COBLL1: variants seen among roughly 807,000 people sequenced by gnomAD.
The protein encoded by COBLL1 is cordon-bleu protein-like 1.
COBLL1 carries 50 observed loss-of-function variants against 94.8 expected under a neutral mutation model. That is an observed-to-expected ratio of 0.53 (90% CI 0.42 to 0.67). The LOEUF (loss-of-function observed/expected upper bound fraction) is 0.67. Among genes scored for constraint, COBLL1 ranks in the 30% least tolerant of loss-of-function variants. COBLL1 has a pLI of 0.00. For missense variants in COBLL1, 1,362 were observed against 1,348.7 expected (o/e 1.01, Z -0.15); for synonymous variants, 448 against 473.8 (o/e 0.95, Z 0.71).
At chr2:164,803,274 A>C (rs927843695) in intron 2 of COBLL1, among the ~76,000 whole-genome samples, 5 of 152,346 alleles carry the variant, frequency 3.3e-5, no homozygotes, top group African/African-American at 1.2e-4. Context: ...AGATTTAAAA[A>C]GCAAAGTTTG....
intron 2 of COBLL1, among the ~76,000 whole-genome samples, chr2:164,791,343 T>C (rs1683179822): frequency 1.4e-5 from 2 of 143,990 alleles, no homozygotes; most frequent in Non-Finnish European, 1.5e-5. Flanking sequence ...TTTAATGACA[T>C]GGTTAAACAA....
chr2:164,803,578 T>TA (rs1683932408), intron 2 of COBLL1, among the ~76,000 whole-genome samples: 23 of 110,268 alleles, frequency 2.1e-4, no homozygotes, highest in South Asian at 1.6e-3. Flanking sequence ...AATAAATAAA[T>TA]AAATAAATAA....
intron 10 of COBLL1, among the ~76,000 whole-genome samples, chr2:164,700,200 A>G (rs1279351778): frequency 6.6e-6 from 1 of 152,130 alleles, no homozygotes; most frequent in Non-Finnish European, 1.5e-5. Flanking sequence ...AAAAATTGAA[A>G]ATTAAATATT....
chr2:164,742,640 T>G (rs749887249), intron 3 of COBLL1, among the ~76,000 whole-genome samples: 2 of 152,162 alleles, frequency 1.3e-5, no homozygotes, highest in African/African-American at 2.4e-5. Flanking sequence ...TGCAACTTCC[T>G]CAAATTTAAT....
At position 164,765,073 on chromosome 2, in the gene COBLL1, GA is replaced by G. The variant is rs201838335; in HGVS notation, c.42-21199del. ...CAGTATTAAGCAACCATTCATCAAT[GA>G]ACTCTAAGCCATGAGGTGAGAATTT... is the stretch of plus-strand genomic sequence containing the variant. On this transcript the variant is annotated intron_variant, in intron 2 of 13. Coordinates refer to ENST00000652658, the MANE Select transcript of COBLL1 (RefSeq NM_001365672.2). Among the ~76,000 whole-genome samples the G allele has an allele frequency of 5.8e-3, 876 of 152,190 alleles. 11 individuals carry two copies. The highest frequency in any genetic ancestry group is 0.02 in the African/African-American group (826 of 41,524).
chr2:164,720,742 C>A (rs893432959), intron 7 of COBLL1, among the ~76,000 whole-genome samples: 2 of 152,158 alleles, frequency 1.3e-5, no homozygotes, highest in Admixed American at 1.3e-4. Context: ...CACATTCCTG[C>A]GTCTCTTAAC....
At chr2:164,773,330 T>C (rs763902332) in intron 2 of COBLL1, among the ~76,000 whole-genome samples, 1 of 152,164 alleles carries the variant, frequency 6.6e-6, no homozygotes, top group Non-Finnish European at 1.5e-5. Flanking sequence ...AACCTCACCA[T>C]GTCTTAAGGC....
chr2:164,822,194 G>A (rs1685200828), intron 2 of COBLL1, among the ~76,000 whole-genome samples: 1 of 152,112 alleles, frequency 6.6e-6, no homozygotes, highest in South Asian at 2.1e-4. Context: ...TCAACCACAG[G>A]TCCCCCTAAA....
At chr2:164,679,945 T>A (rs560667586), downstream of COBLL1, among the ~76,000 whole-genome samples, 1 of 150,396 alleles carries the variant, frequency 6.6e-6, no homozygotes, top group South Asian at 2.1e-4. Context: ...ATATAAATAA[T>A]AATAATAATA....
intron 2 of COBLL1, among the ~76,000 whole-genome samples, chr2:164,789,179 C>G (rs984070148): frequency 6.6e-5 from 10 of 151,920 alleles, no homozygotes; most frequent in African/African-American, 2.4e-4. Context: ...AAAAAACAAG[C>G]AAGATCTTGT....
chr2:164,810,477 T>C (rs16849803), intron 2 of COBLL1, among the ~76,000 whole-genome samples: 2,337 of 151,770 alleles, frequency 0.015, 29 homozygotes, highest in South Asian at 0.027. Flanking sequence ...TTGATTGTTA[T>C]AGCAATATAG....
chr2:164,695,570 G>T lies in COBLL1; in HGVS notation c.1822C>A (p.Pro608Thr). The change falls in exon 12 of 14, where the codon CCT becomes ACT. Residue 608 changes from proline to threonine, a missense_variant. By Grantham distance (38) the Pro-to-Thr change is conservative (BLOSUM62 -1). Coordinates refer to ENST00000652658, the MANE Select transcript of COBLL1 (RefSeq NM_001365672.2). ...TTCCCATCAAAACTGTTACAAGAAG[G>T]GGTTGTCTGAATTGCTGCATCTTTT... ...KTKDAAIQTT[P>T]SCNSFDGKHQ... The T allele has an allele frequency of 1.9e-6, 3 of 1,613,844 alleles. No individual in the cohort carries two copies. The highest frequency in any genetic ancestry group is 2.2e-5 in the East Asian group (1 of 44,846).
rs371244911 is a variant in COBLL1, at chr2:164,819,242, T to C, written c.41+21914A>G. ...ATAAACAAAGCTGCATAATAAATGATAAAACTAGCGAAATATTTAGAACAT... is the reference window on the plus strand; with the variant it reads ...ATAAACAAAGCTGCATAATAAATGACAAAACTAGCGAAATATTTAGAACAT... On this transcript the variant is annotated intron_variant, in intron 2 of 13. Transcript: ENST00000652658. Among the ~76,000 whole-genome samples the C allele has an allele frequency of 4.6e-5, 7 of 152,246 alleles. No homozygotes were observed. In the South Asian group the frequency reaches 1.5e-3, roughly 32 times the overall value.
chr2:164,759,176 T>C (rs767444450), intron 2 of COBLL1, among the ~76,000 whole-genome samples: 1 of 152,146 alleles, frequency 6.6e-6, no homozygotes, highest in African/African-American at 2.4e-5. Context: ...CTTGGGTAAA[T>C]ATTAAACATC....
At chr2:164,708,255 C>T (rs573931143) in intron 7 of COBLL1, among the ~76,000 whole-genome samples, 1 of 152,258 alleles carries the variant, frequency 6.6e-6, no homozygotes, top group Admixed American at 6.5e-5. Flanking sequence ...TCTCTATAAT[C>T]CAGCAAGAAA....
intron 2 of COBLL1, among the ~76,000 whole-genome samples, chr2:164,658,900 T>C (rs1219994257): frequency 6.6e-6 from 1 of 152,148 alleles, no homozygotes; most frequent in Non-Finnish European, 1.5e-5. Flanking sequence ...GGGTCCTGCC[T>C]TGTGGCTCTT....
chr2:164,840,821 A>C (rs1683561658), intron 2 of COBLL1: 2 of 255,416 alleles, frequency 7.8e-6, no homozygotes, highest in Non-Finnish European at 1.5e-5. Flanking sequence ...GCTCACTTAC[A>C]GGTATCGTCC....
intron 2 of COBLL1, among the ~76,000 whole-genome samples, chr2:164,793,096 G>C (rs2105301774): frequency 6.6e-6 from 1 of 152,178 alleles, no homozygotes. Flanking sequence ...TCAGCCTTTG[G>C]AATCCTACCA....
At chr2:164,737,786 C>T (rs1182304779) in intron 3 of COBLL1, among the ~76,000 whole-genome samples, 1 of 152,016 alleles carries the variant, frequency 6.6e-6, no homozygotes, top group Non-Finnish European at 1.5e-5. Context: ...TACTTTTTCC[C>T]AATAGGTGGC....
Sources: gnomAD v4.1 joint callset for allele counts (sites outside exome capture counted in the v4.1 genomes callset) on GRCh38, gnomAD v4.1.1 for gene constraint, MANE v1.5 for transcripts, NCBI Gene and HGNC (gene_info 2026-07-23, HGNC 2026-07-21) for gene names.